Variants in EPHA6 observed in about 807,000 individuals in gnomAD.
EPHA6 encodes EPH receptor A6.
Under a neutral mutation model 112.0 loss-of-function variants are expected in EPHA6, and 50 were observed. The observed-to-expected ratio is 0.45, with a 90% CI of 0.36 to 0.56. The LOEUF (loss-of-function observed/expected upper bound fraction) is 0.56, where lower values mean the gene tolerates loss of function less well. Among genes scored for constraint, EPHA6 ranks in the 20% least tolerant of loss-of-function variants. The pLI is 0.00. For missense variants in EPHA6, 1,280 were observed against 1,417.4 expected (o/e 0.90, Z 1.56); for synonymous variants, 529 against 490.7 (o/e 1.08, Z -1.03).
At chr3:97,481,069 G>A (rs539872016) in intron 9 of EPHA6, 13 of 447,888 alleles carry the variant, frequency 2.9e-5, no homozygotes, top group African/African-American at 1.0e-4. Flanking sequence ...CTTCCCAGAC[G>A]GGGTGGCAGC....
At chr3:97,671,247 T>C (rs990730780) in intron 14 of EPHA6, among the ~76,000 whole-genome samples, 8 of 152,178 alleles carry the variant, frequency 5.3e-5, no homozygotes, top group African/African-American at 1.9e-4. Flanking sequence ...TAATGACAAG[T>C]TCACAAGCAG....
intron 13 of EPHA6, among the ~76,000 whole-genome samples, chr3:97,631,712 T>C (rs1032218135): frequency 6.6e-6 from 1 of 152,086 alleles, no homozygotes; most frequent in Non-Finnish European, 1.5e-5. Flanking sequence ...TCTAAATGTT[T>C]GTAGAATCAG....
rs1446191282 is a variant in EPHA6 at position 96,987,426 on chromosome 3, A to T, written c.547A>T (p.Thr183Ser). 1 of 1,613,860 alleles carries T rather than the reference A, an allele frequency of 6.2e-7. No individual in the cohort carries two copies. The highest frequency in any genetic ancestry group is 1.7e-5 in the Admixed American group (1 of 59,984). ...ACCAAACCAAAACAACTGGCTTCGT[A>T]CAAACTGGATCTCCCGTGATGCAGC... ...MEPNQNNWLR[T>S]NWISRDAAQK... Residue 183 changes from threonine to serine, a missense_variant, in exon 3 of 18, where the codon ACA (threonine) becomes TCA (serine). By Grantham distance (58) the Thr-to-Ser change is moderately conservative. Transcript: ENST00000389672.
In EPHA6 at chr3:97,406,301, C is replaced by T. The variant is rs114876669; in HGVS notation, c.1731+1027C>T. Among the ~76,000 whole-genome samples the T allele has an allele frequency of 7.7e-3, 1,164 of 152,090 alleles. 15 individuals carry two copies. Among genetic ancestry groups the T allele is most frequent in the African/African-American group, 0.027 (1,104 of 41,506 alleles). ...ATTTATTGGCTTATGGTTCTGGAGA[C>T]GAAGAAGTCTGAGATCGAGGACCCA... is the stretch of plus-strand genomic sequence containing the variant. On this transcript the variant is annotated intron_variant, in intron 6 of 17. Transcript: ENST00000389672.
chr3:96,814,923 C>G lies in EPHA6; in HGVS notation c.300C>G (p.Val100=). Residue 100 remains valine (V), a synonymous_variant, in exon 1 of 18, where the codon GTC becomes GTG. Coordinates refer to ENST00000389672, the MANE Select transcript of EPHA6 (RefSeq NM_001080448.3). ...GGAGAACCATGGGGGGCTGCGAAGT[C>G]CGGGAATTTCTTTTGCAATTTGGTT... ...EPRRTMGGCE[V]REFLLQFGFF... The G allele has an allele frequency of 1.3e-6, 2 of 1,551,734 alleles. No homozygotes were observed. Among genetic ancestry groups the G allele is most frequent in the Non-Finnish European group, 1.7e-6 (2 of 1,146,838 alleles).
intron 5 of EPHA6, among the ~76,000 whole-genome samples, chr3:97,316,275 G>A (rs537854490): frequency 6.6e-6 from 1 of 151,672 alleles, no homozygotes; most frequent in Admixed American, 6.6e-5. Flanking sequence ...GCTTGCTGAA[G>A]AAAAAATAAT....
intron 14 of EPHA6, among the ~76,000 whole-genome samples, chr3:97,716,879 T>G (rs1369332728): frequency 2.0e-5 from 3 of 152,278 alleles, no homozygotes; most frequent in African/African-American, 7.2e-5. Context: ...TTTTTTCTTG[T>G]TTTATTTTAA....
intron 13 of EPHA6, among the ~76,000 whole-genome samples, chr3:97,618,172 T>A (rs1431391906): frequency 6.6e-6 from 1 of 152,172 alleles, no homozygotes; most frequent in East Asian, 1.9e-4. Context: ...TGCTCCTGAA[T>A]GACTTTTGGG....
chr3:97,720,198 G>T, intron 14 of EPHA6, 63 bp from the exon 15 acceptor site: 1 of 1,356,000 alleles, frequency 7.4e-7, no homozygotes, highest in Non-Finnish European at 9.7e-7. Flanking sequence ...TATTTAATTG[G>T]AATACCATTT....
At chr3:96,873,629 C>G (rs1346477755) in intron 2 of EPHA6, among the ~76,000 whole-genome samples, 5 of 152,096 alleles carry the variant, frequency 3.3e-5, no homozygotes, top group African/African-American at 1.2e-4. Flanking sequence ...TTCATTCAAT[C>G]TAAACAATAA....
chr3:97,518,246 C>T (rs913061739), intron 10 of EPHA6, among the ~76,000 whole-genome samples: 3 of 152,094 alleles, frequency 2.0e-5, no homozygotes, highest in African/African-American at 7.2e-5. Context: ...CTCTCATGAA[C>T]ATTTGTTATC....
intron 3 of EPHA6, among the ~76,000 whole-genome samples, chr3:97,083,436 C>CT (rs975283879): frequency 3.9e-5 from 6 of 151,962 alleles, no homozygotes; most frequent in South Asian, 4.1e-4. Flanking sequence ...ACAGTCCTCT[C>CT]TTTTTTATAT....
intron 3 of EPHA6, among the ~76,000 whole-genome samples, chr3:97,211,567 T>C (rs1025391072): frequency 5.9e-5 from 9 of 152,158 alleles, no homozygotes; most frequent in Non-Finnish European, 1.0e-4. Flanking sequence ...TGTCCTCACA[T>C]GTAAGAGGGC....
chr3:97,050,282 A>G (rs1403481908), intron 3 of EPHA6, among the ~76,000 whole-genome samples: 1 of 152,178 alleles, frequency 6.6e-6, no homozygotes, highest in Non-Finnish European at 1.5e-5. Context: ...AATTGTGCCC[A>G]AGAAGCCTTG....
intron 2 of EPHA6, among the ~76,000 whole-genome samples, chr3:96,969,555 C>T: frequency 6.6e-6 from 1 of 151,872 alleles, no homozygotes; most frequent in East Asian, 1.9e-4. Flanking sequence ...AGTGTTAAAG[C>T]AACATTAGTG....
intron 14 of EPHA6, among the ~76,000 whole-genome samples, chr3:97,706,378 A>T (rs2033676752): frequency 6.6e-6 from 1 of 152,196 alleles, no homozygotes; most frequent in Admixed American, 6.5e-5. Flanking sequence ...TTTTGCACAT[A>T]AAAAAGTGAC....
chr3:97,000,797 T>TTTTA (rs1553685723), intron 3 of EPHA6, among the ~76,000 whole-genome samples: 3 of 142,096 alleles, frequency 2.1e-5, no homozygotes, highest in African/African-American at 8.7e-5. Context: ...GTAAGCTAAG[T>TTTTA]TATATATATA....
At chr3:97,020,713 A>T (rs1003058411) in intron 3 of EPHA6, among the ~76,000 whole-genome samples, 17 of 152,212 alleles carry the variant, frequency 1.1e-4, no homozygotes, top group African/African-American at 3.6e-4. Context: ...CCATTTGGAT[A>T]AAAATTTACT....
intron 1 of EPHA6, among the ~76,000 whole-genome samples, chr3:96,846,623 T>C (rs964059108): frequency 6.6e-6 from 1 of 152,082 alleles, no homozygotes; most frequent in Admixed American, 6.6e-5. Flanking sequence ...AATAGCTTTT[T>C]TAATAGCTTG....
Sources: gnomAD v4.1 joint callset for allele counts (sites outside exome capture counted in the v4.1 genomes callset) on GRCh38, gnomAD v4.1.1 for gene constraint, MANE v1.5 for transcripts, NCBI Gene and HGNC (gene_info 2026-07-23, HGNC 2026-07-21) for gene names.